Variants in NLRP4 observed in about 807,000 individuals in gnomAD.
The protein encoded by NLRP4 is NACHT, LRR and PYD domains-containing protein 4.
Under a neutral mutation model 84.7 loss-of-function variants are expected in NLRP4, and 44 were observed. The ratio of observed to expected loss-of-function variants is 0.52; its 90% CI spans 0.41 to 0.67. NLRP4 has a LOEUF of 0.67. Among genes scored for constraint, NLRP4 ranks in the 30% least tolerant of loss-of-function variants. The pLI, the probability that NLRP4 is intolerant of heterozygous loss-of-function variation, is 0.00. For missense variants in NLRP4, 1,260 were observed against 1,219.4 expected, an observed-to-expected ratio of 1.03 and a Z score of -0.50; for synonymous variants, 544 against 476.4, an observed-to-expected ratio of 1.14 and a Z score of -1.85.
chr19:55,842,975 G>A (rs1029770293), intron 1 of NLRP4, among the ~76,000 whole-genome samples: 1 of 151,052 alleles, frequency 6.6e-6, no homozygotes, highest in Non-Finnish European at 1.5e-5. Context: ...TAGCCAGGAT[G>A]GTCTTGATCT....
At chr19:55,847,153 GA>G (rs200691062) in intron 1 of NLRP4, among the ~76,000 whole-genome samples, 2,785 of 149,244 alleles carry the variant, frequency 0.019, 89 homozygotes, top group African/African-American at 0.067. Context: ...TATTTTATTT[GA>G]GGGGGGGGCA....
rs577037043 is a variant in NLRP4 at position 55,858,092 on chromosome 19, C to G, written c.699C>G (p.Phe233Leu). 4 of 1,613,990 alleles carry G rather than the reference C, an allele frequency of 2.5e-6. 1 individual carries two copies. The South Asian group carries it at 3.3e-5, about 13-fold the overall frequency. Residue 233 changes from phenylalanine (F) to leucine (L), a missense_variant, in exon 3 of 10, where the codon TTC becomes TTG. By Grantham distance (22) the Phe-to-Leu change is conservative. Transcript: ENST00000301295. This position sits in a 1 kb window ranked among gnomAD's most constrained non-coding sequence, Gnocchi z 4.2. Reference protein sequence around the residue: ...PERLLFVIDSFEELQGGLNEP... With the variant: ...PERLLFVIDSLEELQGGLNEP... ...GACTCTTGTTCGTCATCGACAGCTT[C>G]GAAGAGCTGCAGGGCGGCTTGAACG...
intron 1 of NLRP4, among the ~76,000 whole-genome samples, chr19:55,842,537 T>A (rs1338582601): frequency 6.6e-6 from 1 of 151,978 alleles, no homozygotes. Flanking sequence ...TTCTTTTTTT[T>A]TTAGATTTAC....
rs1984667035 is a variant in NLRP4 at position 55,859,941 on chromosome 19, A to AAAAC, written c.1856+695_1856+696insCAAA. ...CTCTCATCTCCAAAAAAAAAAAAAA[A>AAAAC]AAAAAAAAAAACAAAACACAAATCA... On this transcript the variant is annotated intron_variant, in intron 3 of 9. Coordinates refer to ENST00000301295, the MANE Select transcript of NLRP4 (RefSeq NM_134444.5). 1.4e-5 allele frequency among the ~76,000 whole-genome samples: 2 copies of AAAAC among 144,484 alleles called. 1 individual carries two copies. The highest frequency in any genetic ancestry group is 5.1e-5 in the African/African-American group (2 of 39,134). 94.8% of individuals were successfully genotyped at this position (144,484 alleles called of 152,430 possible). A position where few individuals can be genotyped will look rare whatever the true frequency, so the allele number is the denominator to read the frequency against.
chr19:55,841,552 A>G (rs1166272906), intron 1 of NLRP4, among the ~76,000 whole-genome samples: 2 of 152,006 alleles, frequency 1.3e-5, no homozygotes, highest in African/African-American at 2.4e-5. Flanking sequence ...GTTTGTTTCT[A>G]TATCTTGGTT....
At chr19:55,840,133 G>A (rs1197976256) in intron 1 of NLRP4, among the ~76,000 whole-genome samples, 1 of 152,140 alleles carries the variant, frequency 6.6e-6, no homozygotes, top group African/African-American at 2.4e-5. Context: ...CTATCTTATA[G>A]TGTTTTTTCC....
intron 1 of NLRP4, among the ~76,000 whole-genome samples, chr19:55,849,321 T>C (rs1463338983): frequency 6.6e-6 from 1 of 152,248 alleles, no homozygotes; most frequent in Non-Finnish European, 1.5e-5. Context: ...GTATCTGTTA[T>C]GCTTCCAGGC....
chr19:55,850,184 AATTTCCGTGGCTGCG>A (rs1984019047), intron 1 of NLRP4, among the ~76,000 whole-genome samples: 2 of 110,326 alleles, frequency 1.8e-5, no homozygotes, highest in Non-Finnish European at 3.4e-5. Context: ...GCTGCGGTGT[AATTTCCGTGGCTGCG>A]GTGTAATTTC....
intron 1 of NLRP4, 102 bp from the exon 2 acceptor site, chr19:55,851,914 C>T: frequency 1.7e-6 from 1 of 576,810 alleles, no homozygotes; most frequent in Non-Finnish European, 3.0e-6. Context: ...AAATAACTTT[C>T]CGCCTTCATT....
intron 1 of NLRP4, among the ~76,000 whole-genome samples, chr19:55,846,114 G>A (rs984862106): frequency 1.3e-5 from 2 of 152,126 alleles, no homozygotes; most frequent in Non-Finnish European, 2.9e-5. Flanking sequence ...TGTCCTGAAT[G>A]GTAATGCCTA....
chr19:55,861,196 G>T (rs1348355905), intron 3 of NLRP4, among the ~76,000 whole-genome samples, 190 bp from the exon 4 acceptor site: 1 of 152,136 alleles, frequency 6.6e-6, no homozygotes, highest in Non-Finnish European at 1.5e-5. Context: ...GTCCCCTGGG[G>T]GGAAACGTCA....
In NLRP4 at chr19:55,860,243, T is replaced by C. The variant is rs143408314; in HGVS notation, c.1856+994T>C. On this transcript the variant is annotated intron_variant, in intron 3 of 9. Coordinates refer to ENST00000301295, the MANE Select transcript of NLRP4 (RefSeq NM_134444.5). ...CTCGTGATCTGCCCACCTCGGCCTC[T>C]CAAAGTGCTGGGATTACAGGCGTGA... is the stretch of plus-strand genomic sequence containing the variant. Among the ~76,000 whole-genome samples, 431 of 152,170 alleles carry C rather than the reference T, an allele frequency of 2.8e-3. 5 individuals are homozygous for C. The highest frequency in any genetic ancestry group is 0.019 in the East Asian group (100 of 5,132).
intron 2 of NLRP4, among the ~76,000 whole-genome samples, chr19:55,853,903 C>CTTTCTT (rs1332174995): frequency 7.4e-6 from 1 of 134,884 alleles, no homozygotes; most frequent in African/African-American, 3.5e-5. Flanking sequence ...CTCTCTCTCT[C>CTTTCTT]TCTTTCTCTT....
intron 1 of NLRP4, among the ~76,000 whole-genome samples, chr19:55,850,978 C>T (rs1984100972): frequency 8.6e-6 from 1 of 116,368 alleles, no homozygotes; most frequent in South Asian, 2.9e-4. Flanking sequence ...TCCGTGGCTG[C>T]GGTGTAATTT....
chr19:55,843,918 T>G (rs933144009), intron 1 of NLRP4, among the ~76,000 whole-genome samples: 5 of 152,100 alleles, frequency 3.3e-5, no homozygotes, highest in African/African-American at 1.2e-4. Context: ...CTTCTGTGCT[T>G]TTCATCTTTT....
At chr19:55,841,402 C>T (rs962491030) in intron 1 of NLRP4, among the ~76,000 whole-genome samples, 6 of 152,172 alleles carry the variant, frequency 3.9e-5, no homozygotes, top group African/African-American at 1.4e-4. Flanking sequence ...TCTGTGCCTG[C>T]CTTATTTTAC....
At chr19:55,864,689 T>C (rs1600235065) in intron 5 of NLRP4, among the ~76,000 whole-genome samples, 1 of 151,896 alleles carries the variant, frequency 6.6e-6, no homozygotes, top group Non-Finnish European at 1.5e-5. Context: ...TGTATGAGAG[T>C]TCTAATTTCT....
At chr19:55,881,079 CATTT>C (rs1292441747) in intron 9 of NLRP4, among the ~76,000 whole-genome samples, 8 of 151,518 alleles carry the variant, frequency 5.3e-5, no homozygotes, top group African/African-American at 1.7e-4. Flanking sequence ...CAATTCTGGA[CATTT>C]ATTTATGTCC....
At chr19:55,841,121 T>G (rs1301925881) in intron 1 of NLRP4, among the ~76,000 whole-genome samples, 4 of 152,246 alleles carry the variant, frequency 2.6e-5, no homozygotes, top group Admixed American at 6.5e-5. Context: ...TCTGTTTGTT[T>G]AGACACATTT....
Sources: allele counts gnomAD v4.1 joint callset (sites outside exome capture counted in the v4.1 genomes callset), GRCh38; gene constraint gnomAD v4.1.1; non-coding constraint Gnocchi (gnomAD v3.1); transcripts MANE v1.5; gene names NCBI Gene and HGNC (gene_info 2026-07-23, HGNC 2026-07-21).